Variants in NPFFR2 observed in about 807,000 individuals in gnomAD.
The protein encoded by NPFFR2 is G-protein coupled receptor 74.
In NPFFR2, 15 loss-of-function variants were observed where a neutral mutation model predicts 13.1. That is an observed-to-expected ratio of 1.15 (90% confidence interval 0.77 to 1.76). The LOEUF is 1.76. Ranked by LOEUF, NPFFR2 falls within the 40% of genes most tolerant of loss-of-function variation. The pLI, the probability that NPFFR2 is intolerant of heterozygous loss-of-function variation, is 0.00. For synonymous variants in NPFFR2, 190 were observed against 175.7 expected (o/e 1.08, Z -0.65); for missense variants, 572 against 503.5 (o/e 1.14, Z -1.30).
chr4:72,049,416 A>G (rs1483192111), intron 1 of NPFFR2, among the ~76,000 whole-genome samples: 1 of 152,116 alleles, frequency 6.6e-6, no homozygotes, highest in Non-Finnish European at 1.5e-5. Context: ...ATATAGTGAA[A>G]TAGAATTTTT....
At chr4:72,043,295 G>C (rs1413540755) in intron 1 of NPFFR2, among the ~76,000 whole-genome samples, 1 of 152,194 alleles carries the variant, frequency 6.6e-6, no homozygotes, top group Non-Finnish European at 1.5e-5. Flanking sequence ...TAGTGCAGAA[G>C]GGAAATGTGG....
chr4:72,032,943 A>G (rs1188135736), intron 1 of NPFFR2, among the ~76,000 whole-genome samples: 2 of 151,876 alleles, frequency 1.3e-5, no homozygotes, highest in Non-Finnish European at 2.9e-5. Flanking sequence ...GATATTTGAA[A>G]TATTTATTTC....
At chr4:72,105,679 TGAAAA>T (rs1434252594) in intron 1 of NPFFR2, among the ~76,000 whole-genome samples, 1 of 151,988 alleles carries the variant, frequency 6.6e-6, no homozygotes, top group Admixed American at 6.6e-5. Context: ...AAATCATTCT[TGAAAA>T]GAGCATATCT....
chr4:72,054,424 A>G (rs936855869), intron 1 of NPFFR2, among the ~76,000 whole-genome samples: 1 of 151,972 alleles, frequency 6.6e-6, no homozygotes, highest in African/African-American at 2.4e-5. Flanking sequence ...ACTACCAAAT[A>G]TTCCTATAAA....
chr4:72,086,770 G>A (rs28640196), intron 1 of NPFFR2, among the ~76,000 whole-genome samples: 1 of 151,992 alleles, frequency 6.6e-6, no homozygotes, highest in Non-Finnish European at 1.5e-5. Context: ...TGGAACAGTT[G>A]ATTGCTAATG....
At chr4:72,074,879 T>A (rs756383172) in intron 1 of NPFFR2, among the ~76,000 whole-genome samples, 1 of 132,026 alleles carries the variant, frequency 7.6e-6, no homozygotes, top group Non-Finnish European at 1.6e-5. Flanking sequence ...GCTAAACTAA[T>A]GTCAGACAAC....
At chr4:72,131,915 A>G (rs115368252) in intron 2 of NPFFR2, among the ~76,000 whole-genome samples, 3,832 of 151,330 alleles carry the variant, frequency 0.025, 166 homozygotes, top group African/African-American at 0.089. Flanking sequence ...CTGTAAATTG[A>G]GCATTGAAAT....
intron 1 of NPFFR2, among the ~76,000 whole-genome samples, chr4:72,125,614 GA>G (rs1722016420): frequency 1.3e-5 from 2 of 152,158 alleles, no homozygotes; most frequent in African/African-American, 4.8e-5. Context: ...CTCTACAGAA[GA>G]ATCTGACTTC....
chr4:72,040,079 AT>A (rs1283025076), intron 1 of NPFFR2, among the ~76,000 whole-genome samples: 1 of 152,118 alleles, frequency 6.6e-6, no homozygotes, highest in Non-Finnish European at 1.5e-5. Context: ...GAATATTGTA[AT>A]TATTAATGCT....
intron 1 of NPFFR2, among the ~76,000 whole-genome samples, chr4:72,126,584 A>C (rs537028393): frequency 6.6e-6 from 1 of 152,320 alleles, no homozygotes; most frequent in Admixed American, 6.5e-5. Context: ...TTAAATGATG[A>C]GTGGCTCACT....
chr4:72,108,143 C>A (rs745880427), intron 1 of NPFFR2, among the ~76,000 whole-genome samples: 1 of 151,952 alleles, frequency 6.6e-6, no homozygotes, highest in Non-Finnish European at 1.5e-5. Flanking sequence ...GTGTTATATA[C>A]CACAGCAGAG....
chr4:72,143,070 A>T (rs1020710909), intron 3 of NPFFR2, among the ~76,000 whole-genome samples: 4 of 152,302 alleles, frequency 2.6e-5, no homozygotes, highest in Middle Eastern at 3.4e-3. Flanking sequence ...TCAGAAATTT[A>T]CCCTTAGAAG....
rs546328722 is a variant in NPFFR2, at chr4:72,047,919, T to G, written c.-8+15719T>G. Among the ~76,000 whole-genome samples, 6 of 152,258 alleles carry G rather than the reference T, an allele frequency of 3.9e-5. No homozygotes were observed. The East Asian group carries it at 5.8e-4, about 15-fold the overall frequency. On this transcript the variant is annotated intron_variant, in intron 1 of 3. Transcript: ENST00000308744. ...TCAGCTTTATTTCTGTTGAAACTAT[T>G]TGAGAATGTGTCTAGGGACTGTGGG... is the stretch of plus-strand genomic sequence containing the variant.
At chr4:72,110,046 A>G (rs868022053) in intron 1 of NPFFR2, among the ~76,000 whole-genome samples, 3 of 151,934 alleles carry the variant, frequency 2.0e-5, no homozygotes, top group Non-Finnish European at 4.4e-5. Context: ...CCTGCTTGAT[A>G]TGGTTTGACT....
intron 1 of NPFFR2, among the ~76,000 whole-genome samples, chr4:72,049,732 A>T (rs1350010798): frequency 6.6e-6 from 1 of 150,746 alleles, no homozygotes; most frequent in Non-Finnish European, 1.5e-5. Flanking sequence ...ATAGAATAAG[A>T]ATACACATTT....
At chr4:72,115,062 A>G (rs1721672377) in intron 1 of NPFFR2, among the ~76,000 whole-genome samples, 1 of 152,186 alleles carries the variant, frequency 6.6e-6, no homozygotes, top group Non-Finnish European at 1.5e-5. Flanking sequence ...TTAAGATGTT[A>G]TCATATTGCA....
intron 2 of NPFFR2, among the ~76,000 whole-genome samples, chr4:72,130,438 A>T (rs1420997505): frequency 6.6e-6 from 1 of 152,170 alleles, no homozygotes; most frequent in African/African-American, 2.4e-5. Context: ...TGTGTGCAAC[A>T]TAAGTTTACA....
At chr4:72,115,773 TC>T (rs1380170306) in intron 1 of NPFFR2, among the ~76,000 whole-genome samples, 1 of 152,198 alleles carries the variant, frequency 6.6e-6, no homozygotes, top group African/African-American at 2.4e-5. Flanking sequence ...AGAGCACTCT[TC>T]TTTTGTTTTC....
intron 1 of NPFFR2, among the ~76,000 whole-genome samples, chr4:72,059,310 G>A (rs4574375): frequency 0.89 from 135,579 of 152,042 alleles, 61,546 homozygotes; most frequent in Non-Finnish European, 0.98. Context: ...GAGAGAAAAT[G>A]TATACTACTA....
Sources: gnomAD v4.1 joint callset for allele counts (sites outside exome capture counted in the v4.1 genomes callset) on GRCh38, gnomAD v4.1.1 for gene constraint, MANE v1.5 for transcripts, NCBI Gene and HGNC (gene_info 2026-07-23, HGNC 2026-07-21) for gene names.